DENND1A: variants seen among roughly 807,000 people sequenced by gnomAD.
DENND1A encodes the protein DENN domain-containing protein 1A.
Under a neutral mutation model 113.7 loss-of-function variants are expected in DENND1A, and 51 were observed. That is an observed-to-expected ratio of 0.45 (90% CI 0.36 to 0.57). DENND1A has a LOEUF of 0.57. Among genes scored for constraint, DENND1A ranks in the 20% least tolerant of loss-of-function variants. The pLI, the probability that DENND1A is intolerant of heterozygous loss-of-function variation, is 0.00. For missense variants in DENND1A, 1,258 were observed against 1,395.9 expected (o/e 0.90, Z 1.57); for synonymous variants, 565 against 570.8 (o/e 0.99, Z 0.14).
At chr9:123,892,836 G>A (rs535459464) in intron 1 of DENND1A, among the ~76,000 whole-genome samples, 1 of 152,256 alleles carries the variant, frequency 6.6e-6, no homozygotes, top group East Asian at 1.9e-4. Flanking sequence ...ACAAAAATTA[G>A]CCGGGTGTGG....
intron 13 of DENND1A, among the ~76,000 whole-genome samples, chr9:123,494,641 A>G (rs2051696171): frequency 6.6e-6 from 1 of 152,164 alleles, no homozygotes; most frequent in Non-Finnish European, 1.5e-5. Context: ...AAGGAAACAC[A>G]GTCTGATGAT....
chr9:123,813,482 T>C (rs1836967831), intron 2 of DENND1A, among the ~76,000 whole-genome samples: 1 of 151,650 alleles, frequency 6.6e-6, no homozygotes, highest in Admixed American at 6.6e-5. Context: ...TTATTTCTAA[T>C]TCCTAAGGGC....
intron 19 of DENND1A, among the ~76,000 whole-genome samples, chr9:123,435,952 G>A (rs2046484152): frequency 6.6e-6 from 1 of 152,194 alleles, no homozygotes; most frequent in African/African-American, 2.4e-5. Context: ...AAGCATCTAT[G>A]GCTCACCCAT....
intron 1 of DENND1A, among the ~76,000 whole-genome samples, chr9:123,910,764 A>C (rs1302437229): frequency 6.6e-6 from 1 of 152,108 alleles, no homozygotes; most frequent in African/African-American, 2.4e-5. Context: ...ACATGGTGAA[A>C]CCCTGTCTCT....
rs755506143 is a variant in DENND1A, at chr9:123,465,793, G to A, written c.994-7896C>T. ...GATGCTTTTAAATGTACTATTTAAT[G>A]TCATTATAAGAAAAAATAAAAATGT... On this transcript the variant is annotated intron_variant, in intron 13 of 23. Coordinates refer to ENST00000394215, the MANE Select transcript of DENND1A (RefSeq NM_001352964.2). Among the ~76,000 whole-genome samples the A allele has an allele frequency of 7.0e-4, 107 of 152,226 alleles. No homozygotes were observed. In the Middle Eastern group the frequency reaches 0.01, roughly 15 times the overall value.
chr9:123,557,007 T>C (rs565137845), intron 13 of DENND1A, among the ~76,000 whole-genome samples: 1 of 152,322 alleles, frequency 6.6e-6, no homozygotes, highest in African/African-American at 2.4e-5. Context: ...GCAAGGTCAC[T>C]TCCCGGTCTT....
chr9:123,507,824 C>CT (rs2053100170), intron 13 of DENND1A, among the ~76,000 whole-genome samples: 1 of 133,508 alleles, frequency 7.5e-6, no homozygotes, highest in African/African-American at 2.9e-5. Context: ...GAACCTATCT[C>CT]AAAATAAATA....
chr9:123,627,667 G>A (rs2061291047), intron 10 of DENND1A, among the ~76,000 whole-genome samples: 1 of 151,352 alleles, frequency 6.6e-6, no homozygotes, highest in East Asian at 2.0e-4. Flanking sequence ...TTGAACCTGG[G>A]AGGCAGAGGT....
chr9:123,476,973 T>C (rs2049968602), intron 13 of DENND1A, among the ~76,000 whole-genome samples: 1 of 152,126 alleles, frequency 6.6e-6, no homozygotes, highest in African/African-American at 2.4e-5. Flanking sequence ...AGATAGAACC[T>C]TCCAGGGTAG....
At chr9:123,605,616 A>T (rs2060120257) in intron 11 of DENND1A, among the ~76,000 whole-genome samples, 1 of 152,222 alleles carries the variant, frequency 6.6e-6, no homozygotes, top group East Asian at 1.9e-4. Flanking sequence ...AGGAGAGAGA[A>T]GAATGGCGAT....
chr9:123,660,455 TAA>T (rs145768477), intron 8 of DENND1A, among the ~76,000 whole-genome samples: 1 of 146,804 alleles, frequency 6.8e-6, no homozygotes, highest in African/African-American at 2.5e-5. Context: ...TGAGAAGACT[TAA>T]AAAAAAAAAC....
intron 19 of DENND1A, among the ~76,000 whole-genome samples, chr9:123,412,360 C>T (rs2044373356): frequency 6.6e-6 from 1 of 152,246 alleles, no homozygotes; most frequent in South Asian, 2.1e-4. Flanking sequence ...GACTGGCCTG[C>T]CAAACGTGTG....
intron 2 of DENND1A, among the ~76,000 whole-genome samples, chr9:123,846,843 A>T (rs895061088): frequency 3.9e-5 from 6 of 152,232 alleles, no homozygotes; most frequent in Non-Finnish European, 1.5e-5. Context: ...AAATATTTAA[A>T]ATGGCAAATT....
intron 5 of DENND1A, among the ~76,000 whole-genome samples, chr9:123,715,340 T>C (rs761365272): frequency 2.0e-5 from 3 of 152,200 alleles, no homozygotes; most frequent in Non-Finnish European, 4.4e-5. Flanking sequence ...GTTCTAAAAT[T>C]CACTCACATA....
At chr9:123,821,477 G>C (rs1590227083) in intron 2 of DENND1A, among the ~76,000 whole-genome samples, 1 of 152,204 alleles carries the variant, frequency 6.6e-6, no homozygotes, top group South Asian at 2.1e-4. Flanking sequence ...GAAACCAGTT[G>C]TAAGAAAATG....
intron 5 of DENND1A, among the ~76,000 whole-genome samples, chr9:123,710,090 T>C (rs1424554147): frequency 6.6e-6 from 1 of 152,226 alleles, no homozygotes; most frequent in Non-Finnish European, 1.5e-5. Context: ...ACTCTTTTCC[T>C]CACATCATGA....
intron 1 of DENND1A, among the ~76,000 whole-genome samples, chr9:123,880,261 C>T (rs533304927): frequency 1.3e-5 from 2 of 152,264 alleles, no homozygotes; most frequent in South Asian, 4.1e-4. Context: ...AATCCACCCG[C>T]CTTGGCCTCC....
At chr9:123,895,621 C>CA (rs541744618) in intron 1 of DENND1A, among the ~76,000 whole-genome samples, 11,103 of 108,086 alleles carry the variant, frequency 0.1, 600 homozygotes, top group African/African-American at 0.2. Flanking sequence ...GACTCTGACT[C>CA]AAAAAAAAAA....
intron 13 of DENND1A, among the ~76,000 whole-genome samples, chr9:123,475,524 A>G (rs1232146557): frequency 6.6e-6 from 1 of 152,218 alleles, no homozygotes; most frequent in Non-Finnish European, 1.5e-5. Context: ...AAAGAAAAGC[A>G]AAGTGTGGAC....
Sources: allele counts gnomAD v4.1 joint callset (sites outside exome capture counted in the v4.1 genomes callset), GRCh38; gene constraint gnomAD v4.1.1; transcripts MANE v1.5; gene names NCBI Gene and HGNC (gene_info 2026-07-23, HGNC 2026-07-21).